The following DZIP1L variants were observed in gnomAD, a reference collection of about 807,000 sequenced individuals.
DZIP1L encodes the protein cilium assembly protein DZIP1L.
A neutral mutation model predicts 88.7 loss-of-function variants in DZIP1L; 90 were observed. The ratio of observed to expected loss-of-function variants is 1.02; its 90% CI spans 0.86 to 1.21. DZIP1L has a LOEUF of 1.21. Ranked by LOEUF, DZIP1L falls within the 50% of genes most tolerant of loss-of-function variation. The pLI is 0.00. For missense variants in DZIP1L, 932 were observed against 955.8 expected, an observed-to-expected ratio of 0.98 and a Z score of 0.33; for synonymous variants, 363 against 372.1, an observed-to-expected ratio of 0.98 and a Z score of 0.28.
chr3:138,081,808 A>G, intron 8 of DZIP1L, 44 bp from the exon 9 acceptor site: 1 of 1,602,036 alleles, frequency 6.2e-7, no homozygotes. Flanking sequence ...AGCAGAGAAC[A>G]TTGTGAGAAC....
At chr3:138,067,310 A>T (rs570263901) in intron 14 of DZIP1L, among the ~76,000 whole-genome samples, 1 of 152,212 alleles carries the variant, frequency 6.6e-6, no homozygotes, top group Non-Finnish European at 1.5e-5. Context: ...GGTAAAACTA[A>T]ACCTTGCTCA....
At chr3:138,086,054 C>T (rs1388607615) in intron 7 of DZIP1L, among the ~76,000 whole-genome samples, 1 of 149,220 alleles carries the variant, frequency 6.7e-6, no homozygotes, top group East Asian at 2.0e-4. Flanking sequence ...GGGAATTGAA[C>T]AATGAGAACA....
At position 138,094,865 on chromosome 3, in the gene DZIP1L, G is replaced by A; in HGVS notation, c.705C>T (p.Leu235=). Residue 235 remains leucine, a synonymous_variant, in exon 4 of 16, where the codon CTC becomes CTT. Coordinates refer to ENST00000327532, the MANE Select transcript of DZIP1L (RefSeq NM_173543.3). ...GATGTTTTCTCTCCCTGCCCACCTG[G>A]AGCTGCCGCTGCCTCTCCGCCTCCC... ...AQREAERQRQ[L]QEAELIHQRE... is the part of the protein sequence containing the mutation. The A allele has an allele frequency of 6.2e-7, 1 of 1,614,158 alleles. No individual in the cohort carries two copies. Among genetic ancestry groups the A allele is most frequent in the Non-Finnish European group, 8.5e-7 (1 of 1,180,024 alleles).
At chr3:138,099,969 C>A (rs775015180) in intron 2 of DZIP1L, among the ~76,000 whole-genome samples, 2 of 152,184 alleles carry the variant, frequency 1.3e-5, no homozygotes, top group Non-Finnish European at 2.9e-5. Context: ...AATGAAAGGA[C>A]TGTTGGCTGG....
rs184719004 is a variant in DZIP1L at position 138,081,219 on chromosome 3, C to A, written c.1234+515G>T. On this transcript the variant is annotated intron_variant, in intron 9 of 15. Coordinates refer to ENST00000327532, the MANE Select transcript of DZIP1L (RefSeq NM_173543.3). ...CCAAGGTCCTCTAAACAGGAGCAGT[C>A]CCCTGTGGGTTGCCGTCTACCTTTA... Among the ~76,000 whole-genome samples the A allele has an allele frequency of 3.7e-4, 57 of 152,236 alleles. 1 individual carries two copies. In the East Asian group the frequency reaches 0.011, roughly 29 times the overall value.
At position 138,093,977 on chromosome 3, in the gene DZIP1L, C is replaced by A. The variant is rs1944353749; in HGVS notation, c.708+885G>T. On this transcript the variant is annotated intron_variant, in intron 4 of 15. Coordinates refer to ENST00000327532, the MANE Select transcript of DZIP1L (RefSeq NM_173543.3). ...ATTTCCTTCAAATTTCCTTTGTATTCATAACTTGGCTGTTTGGCACAAGAG... is the reference window on the plus strand; with the variant it reads ...ATTTCCTTCAAATTTCCTTTGTATTAATAACTTGGCTGTTTGGCACAAGAG... 3.3e-5 allele frequency among the ~76,000 whole-genome samples: 5 copies of A among 152,188 alleles called. No individual in the cohort carries two copies. In the South Asian group the frequency reaches 1.0e-3, roughly 31 times the overall value.
intron 14 of DZIP1L, among the ~76,000 whole-genome samples, chr3:138,066,760 C>T (rs987268710): frequency 6.6e-6 from 1 of 152,024 alleles, no homozygotes. Flanking sequence ...CTCTACTCAC[C>T]GAGATGGACA....
intron 1 of DZIP1L, among the ~76,000 whole-genome samples, chr3:138,110,901 C>T (rs953784015): frequency 6.6e-6 from 1 of 152,178 alleles, no homozygotes; most frequent in African/African-American, 2.4e-5. Flanking sequence ...AGTCACACAA[C>T]TAGTAAGTGA....
intron 12 of DZIP1L, among the ~76,000 whole-genome samples, chr3:138,070,700 C>T (rs537745061): frequency 1.3e-5 from 2 of 152,316 alleles, no homozygotes; most frequent in African/African-American, 4.8e-5. Flanking sequence ...CCATACTCTG[C>T]AAAATTTTTT....
rs181810217 is a variant in DZIP1L, at chr3:138,063,178, G to A, written c.2143-201C>T. The stretch of plus-strand genomic sequence containing the variant: ...AACCTGCTTTAGTGACCTGGGATCA[G>A]GGTGATTTCAAATACCCCTGAAATT... On this transcript the variant is annotated intron_variant, in intron 15 of 15. Transcript: ENST00000327532. This position sits in a 1 kb window ranked among gnomAD's most constrained non-coding sequence, Gnocchi z 4.1. Among the ~76,000 whole-genome samples the A allele has an allele frequency of 2.4e-3, 358 of 152,282 alleles. 2 individuals are homozygous for A. The highest frequency in any genetic ancestry group is 7.8e-3 in the African/African-American group (323 of 41,560).
chr3:138,088,233 T>C, intron 6 of DZIP1L, 146 bp downstream of exon 6: 2 of 1,190,924 alleles, frequency 1.7e-6, no homozygotes, highest in Non-Finnish European at 2.2e-6. Flanking sequence ...AACCCTATTC[T>C]ATGCTTTCAT....
chr3:138,084,326 GCA>G, intron 7 of DZIP1L, 73 bp from the exon 8 acceptor site: 1 of 1,534,436 alleles, frequency 6.5e-7, no homozygotes, highest in Non-Finnish European at 8.7e-7. Context: ...TGCAGGCTCA[GCA>G]CCTGTAGGCA....
In DZIP1L at chr3:138,062,714, G is replaced by A; in HGVS notation, c.*102C>T. 7.5e-7 allele frequency: 1 copy of A among 1,329,074 alleles called. No homozygotes were observed. The highest frequency in any genetic ancestry group is 1.3e-5 in the South Asian group (1 of 78,268). 82.3% of individuals were successfully genotyped at this position (1,329,074 alleles called of 1,614,324 possible). On this transcript the variant is annotated 3_prime_UTR_variant, in exon 16 of 16. Coordinates refer to ENST00000327532, the MANE Select transcript of DZIP1L (RefSeq NM_173543.3). ...TTCTCTCCAAGAGGATGATCTCTTG[G>A]TTGTTTGTGAAGACAAGAGGCCCAG... is the stretch of plus-strand genomic sequence containing the variant.
At chr3:138,104,194 C>G in intron 1 of DZIP1L, 142 bp from the exon 2 acceptor site, 1 of 780,508 alleles carries the variant, frequency 1.3e-6, no homozygotes, top group Non-Finnish European at 2.0e-6. Flanking sequence ...CTGACATGGC[C>G]AGAGCTGTGG....
At chr3:138,106,498 CA>C (rs775617979) in intron 1 of DZIP1L, among the ~76,000 whole-genome samples, 83 of 151,740 alleles carry the variant, frequency 5.5e-4, no homozygotes, top group Admixed American at 3.3e-3. Context: ...AATAGAAAGT[CA>C]AAGAAGTCAT....
chr3:138,073,203 T>A (rs561034369), intron 11 of DZIP1L, among the ~76,000 whole-genome samples: 1 of 152,108 alleles, frequency 6.6e-6, no homozygotes, highest in South Asian at 2.1e-4. Context: ...GTATGCATCC[T>A]CCCTATAGGA....
In DZIP1L at chr3:138,097,744, GGCTGCTGTC is replaced by G. The variant is rs1196021236; in HGVS notation, c.586+10_586+18del. 5 of 1,601,696 alleles carry G rather than the reference GGCTGCTGTC, an allele frequency of 3.1e-6. No homozygotes were observed. The African/African-American group carries it at 5.3e-5, about 17-fold the overall frequency. On this transcript the variant is annotated intron_variant, in intron 3 of 15. Transcript: ENST00000327532. ...TTTCCACAGTCCCAGAAGGGGCCCG[GGCTGCTGTC>G]TGGACTCACCACCTTCTGCCACGCC...
At chr3:138,078,169 A>G (rs957194355) in intron 10 of DZIP1L, among the ~76,000 whole-genome samples, 1 of 152,218 alleles carries the variant, frequency 6.6e-6, no homozygotes, top group Non-Finnish European at 1.5e-5. Flanking sequence ...GGCTAGCAAA[A>G]TAAGCAATTA....
chr3:138,085,654 T>C (rs1453507011), intron 7 of DZIP1L, among the ~76,000 whole-genome samples: 1 of 152,238 alleles, frequency 6.6e-6, no homozygotes, highest in Non-Finnish European at 1.5e-5. Context: ...TTTACACTGC[T>C]GGTGGGAATG....
Sources: allele counts gnomAD v4.1 joint callset (sites outside exome capture counted in the v4.1 genomes callset), GRCh38; gene constraint gnomAD v4.1.1; non-coding constraint Gnocchi (gnomAD v3.1); transcripts MANE v1.5; gene names NCBI Gene and HGNC (gene_info 2026-07-23, HGNC 2026-07-21).